The following PGCKA1 variants were observed in gnomAD, a reference collection of about 807,000 sequenced individuals.
PGCKA1 encodes PDCD10 and GCKIII kinases-associated protein 1.
chr4:37,521,211 C>T, the PGCKA1 span, among the ~76,000 whole-genome samples: 2 of 152,198 alleles, frequency 1.3e-5, no homozygotes, highest in Admixed American at 1.3e-4. Flanking sequence ...ATAAACGTCC[C>T]TCTTAGTATT....
the PGCKA1 span, among the ~76,000 whole-genome samples, chr4:37,457,426 A>C: frequency 6.6e-6 from 1 of 152,242 alleles, no homozygotes; most frequent in Non-Finnish European, 1.5e-5. Flanking sequence ...GTGAACAAAC[A>C]AAAGTCACCT....
chr4:37,585,559 A>G, the PGCKA1 span, among the ~76,000 whole-genome samples: 75 of 192 alleles, frequency 0.39, 12 homozygotes, highest in Admixed American at 0.67. Context: ...GGTGTTGAGG[A>G]AGGAGAGGGG....
the PGCKA1 span, among the ~76,000 whole-genome samples, chr4:37,586,468 C>G: frequency 6.6e-6 from 1 of 152,318 alleles, no homozygotes; most frequent in East Asian, 1.9e-4. Context: ...AGATGCACGG[C>G]TGGTCCGAGG....
the PGCKA1 span, among the ~76,000 whole-genome samples, chr4:37,505,969 T>C: frequency 9.2e-5 from 14 of 152,352 alleles, no homozygotes; most frequent in African/African-American, 3.4e-4. Flanking sequence ...CATTAATCGT[T>C]ATTGGTCTGT....
the PGCKA1 span, among the ~76,000 whole-genome samples, chr4:37,570,410 G>C: frequency 7.7e-6 from 1 of 129,144 alleles, no homozygotes; most frequent in East Asian, 2.3e-4. Context: ...CTGCCCAAAA[G>C]AGTAGGAAAT....
the PGCKA1 span, among the ~76,000 whole-genome samples, chr4:37,550,712 A>G: frequency 6.6e-6 from 1 of 152,194 alleles, no homozygotes; most frequent in Non-Finnish European, 1.5e-5. Context: ...CTGAGATTCC[A>G]GGAAAGACTA....
At chr4:37,547,996 A>T in the PGCKA1 span, among the ~76,000 whole-genome samples, 1 of 136,198 alleles carries the variant, frequency 7.3e-6, no homozygotes, top group South Asian at 2.4e-4. Flanking sequence ...AAAAATGGTT[A>T]TCTTCAAAAA....
the PGCKA1 span, among the ~76,000 whole-genome samples, chr4:37,472,041 G>A: frequency 7.9e-5 from 12 of 152,126 alleles, no homozygotes; most frequent in Non-Finnish European, 1.2e-4. Context: ...CAGTGGCTCC[G>A]TCTGGGCTGG....
chr4:37,545,315 C>T, the PGCKA1 span, among the ~76,000 whole-genome samples: 1 of 152,120 alleles, frequency 6.6e-6, no homozygotes, highest in Admixed American at 6.5e-5. Context: ...GTATGAAACC[C>T]CTGCCCTCCA....
At chr4:37,555,872 C>A in the PGCKA1 span, among the ~76,000 whole-genome samples, 41,125 of 151,938 alleles carry the variant, frequency 0.27, 6,960 homozygotes, top group Non-Finnish European at 0.37. Context: ...CTCTTCACAT[C>A]TCACTCCCTA....
chr4:37,507,582 C>T, the PGCKA1 span, among the ~76,000 whole-genome samples: 4 of 152,018 alleles, frequency 2.6e-5, no homozygotes, highest in Non-Finnish European at 5.9e-5. Flanking sequence ...ACTTTGTTCC[C>T]CACTTTTTAA....
At chr4:37,485,006 A>G in the PGCKA1 span, among the ~76,000 whole-genome samples, 2,417 of 152,334 alleles carry the variant, frequency 0.016, 21 homozygotes, top group Non-Finnish European at 0.026. Context: ...TCAATCTAAG[A>G]AGTGAATATT....
the PGCKA1 span, among the ~76,000 whole-genome samples, chr4:37,544,389 CA>C: frequency 3.9e-5 from 6 of 152,132 alleles, no homozygotes; most frequent in Admixed American, 3.9e-4. Flanking sequence ...TCATGTCCTT[CA>C]ATTACGTAAA....
chr4:37,459,187 T>A, the PGCKA1 span, among the ~76,000 whole-genome samples: 6 of 152,236 alleles, frequency 3.9e-5, no homozygotes, highest in Non-Finnish European at 7.3e-5. Flanking sequence ...ATGATTTATA[T>A]GCTAAGAGAA....
the PGCKA1 span, among the ~76,000 whole-genome samples, chr4:37,520,860 G>A: frequency 3.0e-4 from 45 of 152,050 alleles, no homozygotes; most frequent in Middle Eastern, 3.4e-3. Flanking sequence ...CTCGCAATCC[G>A]CCCGCCTCAG....
At chr4:37,509,126 AT>A in the PGCKA1 span, among the ~76,000 whole-genome samples, 1 of 150,516 alleles carries the variant, frequency 6.6e-6, no homozygotes, top group East Asian at 1.9e-4. Flanking sequence ...TCTTCCCCAC[AT>A]TTCCCCCTTT....
At chr4:37,482,905 G>A in the PGCKA1 span, among the ~76,000 whole-genome samples, 1 of 152,170 alleles carries the variant, frequency 6.6e-6, no homozygotes, top group South Asian at 2.1e-4. Context: ...AGACTTTGAG[G>A]GACTATTGGA....
At chr4:37,453,717 C>A in the PGCKA1 span, among the ~76,000 whole-genome samples, 1 of 152,110 alleles carries the variant, frequency 6.6e-6, no homozygotes, top group Non-Finnish European at 1.5e-5. Flanking sequence ...GGCCAACAAG[C>A]GCGTGGATTT....
chr4:37,462,958 G>A, the PGCKA1 span, among the ~76,000 whole-genome samples: 65 of 90,868 alleles, frequency 7.2e-4, no homozygotes, highest in Non-Finnish European at 3.6e-4. Flanking sequence ...GCGAGACTCA[G>A]TATCAAAAAA....
Sources: allele counts gnomAD v4.1 joint callset (sites outside exome capture counted in the v4.1 genomes callset), GRCh38; gene constraint gnomAD v4.1.1; transcripts MANE v1.5; gene names NCBI Gene and HGNC (gene_info 2026-07-23, HGNC 2026-07-21).